Variants in NFE2L3 observed in about 807,000 individuals in gnomAD.
NFE2L3 encodes NFE2 like bZIP transcription factor 3.
A neutral mutation model predicts 23.5 loss-of-function variants in NFE2L3; 18 were observed. The ratio of observed to expected loss-of-function variants is 0.77; its 90% CI spans 0.53 to 1.13. NFE2L3 has a LOEUF of 1.13. NFE2L3 is among the 50% of genes most tolerant of loss of function. NFE2L3 has a pLI of 0.00. For synonymous variants in NFE2L3, 424 were observed against 354.5 expected, an observed-to-expected ratio of 1.20 and a Z score of -2.20; for missense variants, 1,152 against 877.2, an observed-to-expected ratio of 1.31 and a Z score of -3.96.
chr7:26,161,945 C>A (rs1174676907), intron 1 of NFE2L3, among the ~76,000 whole-genome samples: 2 of 152,044 alleles, frequency 1.3e-5, no homozygotes, highest in Admixed American at 1.3e-4. Context: ...GAGTTTGAGA[C>A]CAGCCTGGCC....
chr7:26,178,254 A>T, intron 2 of NFE2L3, 132 bp downstream of exon 2: 1 of 698,992 alleles, frequency 1.4e-6, no homozygotes, highest in Non-Finnish European at 2.4e-6. Flanking sequence ...ATATGAAAAT[A>T]CCTATGTCTT....
intron 1 of NFE2L3, among the ~76,000 whole-genome samples, chr7:26,166,146 A>G (rs987896912): frequency 4.6e-5 from 7 of 151,730 alleles, no homozygotes; most frequent in African/African-American, 1.2e-4. Context: ...CGGGGGGGAA[A>G]GAATTCACCC....
Position 26,185,625 on chromosome 7 carries a change from CATG to C in NFE2L3, c.1930_1932del (p.Asp644del), listed in dbSNP as rs776567501. ...GAAACAGAAACTGCATGACCTTTAT[CATG>C]ATATTTTTAGTAGATTAAGAGATGA... On this transcript the variant is annotated inframe_deletion, in exon 4 of 4. Transcript: ENST00000056233. 1.4e-4 allele frequency: 232 copies of C among 1,613,854 alleles called. No homozygotes were observed. Among genetic ancestry groups the C allele is most frequent in the South Asian group, 3.2e-4 (29 of 91,068 alleles).
At chr7:26,181,747 C>A (rs1040918552) in intron 2 of NFE2L3, among the ~76,000 whole-genome samples, 1 of 151,912 alleles carries the variant, frequency 6.6e-6, no homozygotes, top group Non-Finnish European at 1.5e-5. Context: ...TTCATAGGAA[C>A]AGAATCTATA....
At chr7:26,153,272 A>T (rs1008972152) in intron 1 of NFE2L3, among the ~76,000 whole-genome samples, 2 of 152,194 alleles carry the variant, frequency 1.3e-5, no homozygotes, top group Non-Finnish European at 2.9e-5. Context: ...GTGTTTAAGG[A>T]AGAAGTGGAC....
Position 26,152,711 on chromosome 7 carries a change from G to T in NFE2L3, c.213G>T (p.Ala71=). 2 of 1,476,556 alleles carry T rather than the reference G, an allele frequency of 1.4e-6. No homozygotes were observed. The highest frequency in any genetic ancestry group is 1.8e-6 in the Non-Finnish European group (2 of 1,120,968). 91.5% of individuals were successfully genotyped at this position (1,476,556 alleles called of 1,614,324 possible). A position where few individuals can be genotyped will look rare whatever the true frequency, so the allele number is the denominator to read the frequency against. ...CGGCCTCGGGAGGGTGGGGGCGCGC[G>T]GGCCACTTGCACCCCAAGGGCCGGG... ...PFSASGGWGR[A]GHLHPKGREL... is the part of the protein sequence containing the mutation. The change falls in exon 1 of 4, where the codon GCG becomes GCT. Residue 71 remains alanine, a synonymous_variant. Coordinates refer to ENST00000056233, the MANE Select transcript of NFE2L3 (RefSeq NM_004289.7). The surrounding 1 kb of genome is among the most constrained non-coding windows in gnomAD (Gnocchi z 4.4).
In NFE2L3 at chr7:26,152,573, G is replaced by A. The variant is rs1308936018; in HGVS notation, c.75G>A (p.Gly25=). The A allele has an allele frequency of 3.3e-6, 5 of 1,532,848 alleles. No homozygotes were observed. The highest frequency in any genetic ancestry group is 3.9e-5 in the Admixed American group (2 of 51,010). The allele number at this position is 1,532,848 out of a possible 1,614,324, so 95.0% of individuals were successfully genotyped here. ...LHLTLLLSLA[G]LRVDLDLYLL... ...TCACCCTCCTGCTGAGCTTGGCGGG[G>A]CTCCGCGTAGACCTAGATCTTTACC... is the stretch of plus-strand genomic sequence containing the variant. Residue 25 remains glycine, a synonymous_variant, in exon 1 of 4, where the codon GGG becomes GGA. Transcript: ENST00000056233. This position sits in a 1 kb window ranked among gnomAD's most constrained non-coding sequence, Gnocchi z 4.4.
chr7:26,161,335 C>CTTTT (rs914055111), intron 1 of NFE2L3, among the ~76,000 whole-genome samples: 15 of 69,564 alleles, frequency 2.2e-4, no homozygotes, highest in East Asian at 4.2e-4. Context: ...GCTTCTCTCT[C>CTTTT]TTTTTTTTTT....
chr7:26,184,690 C>G lies in NFE2L3; in HGVS notation c.992C>G (p.Pro331Arg). 1.2e-6 allele frequency: 2 copies of G among 1,613,852 alleles called. No homozygotes were observed. Among genetic ancestry groups the G allele is most frequent in the Non-Finnish European group, 1.7e-6 (2 of 1,179,828 alleles). Reference protein sequence around the residue: ...LCPNNTFRRDPTARTSQSQEP... With the variant: ...LCPNNTFRRDRTARTSQSQEP... ...CCCAACAATACATTTAGAAGAGATCCAACAGCAAGGACTTCACAGTCACAA... is the reference window on the plus strand; with the variant it reads ...CCCAACAATACATTTAGAAGAGATCGAACAGCAAGGACTTCACAGTCACAA... The change falls in exon 4 of 4, where the codon CCA becomes CGA. Residue 331 changes from proline to arginine, a missense_variant. Transcript: ENST00000056233.
intron 1 of NFE2L3, among the ~76,000 whole-genome samples, chr7:26,168,386 C>T (rs1404038766): frequency 2.7e-5 from 2 of 74,840 alleles, no homozygotes; most frequent in Non-Finnish European, 5.3e-5. Context: ...ATCCACCTGC[C>T]TCGCCTCCCA....
chr7:26,177,271 G>T (rs1295028537), intron 1 of NFE2L3, among the ~76,000 whole-genome samples: 2 of 152,202 alleles, frequency 1.3e-5, no homozygotes. Context: ...AGGTTGTAGC[G>T]AGCCGAGATC....
chr7:26,185,473 C>T lies in NFE2L3; in HGVS notation c.1775C>T (p.Ala592Val), dbSNP rs374797223. The T allele has an allele frequency of 1.2e-5, 19 of 1,613,816 alleles. No homozygotes were observed. The highest frequency in any genetic ancestry group is 3.3e-5 in the South Asian group (3 of 91,078). The change falls in exon 4 of 4, where the codon GCG becomes GTG. Residue 592 changes from alanine to valine, a missense_variant. By Grantham distance (64) the Ala-to-Val change is moderately conservative. Transcript: ENST00000056233. ...IRRRGKNKVA[A>V]QNCRKRKLDI... ...CGAAGAGGGAAAAATAAAGTTGCTG[C>T]GCAGAACTGTCGTAAACGCAAATTG...
rs1295604072 is a variant in NFE2L3, at chr7:26,182,619, CTG to C, written c.751-1080_751-1079del. Among the ~76,000 whole-genome samples the C allele has an allele frequency of 3.4e-5, 5 of 147,848 alleles. No individual in the cohort carries two copies. In the East Asian group the frequency reaches 7.7e-4, roughly 23 times the overall value. On this transcript the variant is annotated intron_variant, in intron 2 of 3. Coordinates refer to ENST00000056233, the MANE Select transcript of NFE2L3 (RefSeq NM_004289.7). Reference sequence around the variant, plus strand: ...CTCCAGCCTGGGCGACAGGACAAGACTGTCTCAAAATAATTCCATGTAACAAA... The same window carrying C: ...CTCCAGCCTGGGCGACAGGACAAGACTCTCAAAATAATTCCATGTAACAAA...
rs1432427317 is a variant in NFE2L3 at position 26,176,958 on chromosome 7, ACGGGGTGG to A, written c.571-983_571-976del. ...GGCAGAGATGCTCCTCACTTCCTAG[ACGGGGTGG>A]CAGCCGGGCAGAGGCGCTCCTCACA... On this transcript the variant is annotated intron_variant, in intron 1 of 3. Transcript: ENST00000056233. 4.2e-4 allele frequency among the ~76,000 whole-genome samples: 28 copies of A among 66,476 alleles called. 8 individuals are homozygous for A. The highest frequency in any genetic ancestry group is 6.6e-4 in the Non-Finnish European group (22 of 33,528). 43.6% of individuals were successfully genotyped at this position (66,476 alleles called of 152,430 possible).
In NFE2L3 at chr7:26,183,695, C is replaced by T. The variant is rs745598119; in HGVS notation, c.751-6C>T. ...TGAAAGATGCACTTTTTGTGTTTCT[C>T]TACAGAGACATCTGAATGGGACAGA... is the stretch of plus-strand genomic sequence containing the variant. On this transcript the variant is annotated splice_region_variant and splice_polypyrimidine_tract_variant and intron_variant, in intron 2 of 3. Coordinates refer to ENST00000056233, the MANE Select transcript of NFE2L3 (RefSeq NM_004289.7). The T allele has an allele frequency of 2.5e-6, 4 of 1,595,552 alleles. No homozygotes were observed. Among genetic ancestry groups the T allele is most frequent in the Non-Finnish European group, 3.4e-6 (4 of 1,163,248 alleles).
chr7:26,169,847 C>T (rs1437080315), intron 1 of NFE2L3, among the ~76,000 whole-genome samples: 3 of 152,094 alleles, frequency 2.0e-5, no homozygotes, highest in South Asian at 2.1e-4. Flanking sequence ...CCTGTAATCC[C>T]GGCCCTTTGG....
rs1278569033 is a variant in NFE2L3, at chr7:26,185,358, A to G, written c.1660A>G (p.Ile554Val). ...GCATATCCCTTTTTCTGTAGATGAA[A>G]TTGTCGGCATGCCTGTTGATTCTTT... is the stretch of plus-strand genomic sequence containing the variant. ...ALHIPFSVDEIVGMPVDSFNS... is the reference protein window; with the variant it reads ...ALHIPFSVDEVVGMPVDSFNS... Residue 554 changes from isoleucine (I) to valine (V), a missense_variant, in exon 4 of 4, where the codon ATT becomes GTT. Coordinates refer to ENST00000056233, the MANE Select transcript of NFE2L3 (RefSeq NM_004289.7). 2.5e-6 allele frequency: 4 copies of G among 1,614,154 alleles called. No individual in the cohort carries two copies. Among genetic ancestry groups the G allele is most frequent in the Non-Finnish European group, 3.4e-6 (4 of 1,179,992 alleles).
intron 1 of NFE2L3, among the ~76,000 whole-genome samples, chr7:26,176,878 C>G (rs1376961317): frequency 7.3e-6 from 1 of 136,638 alleles, no homozygotes; most frequent in Non-Finnish European, 1.6e-5. Flanking sequence ...TCCTCACCTC[C>G]CAGACGGGGC....
At chr7:26,174,287 AC>A (rs1339106468) in intron 1 of NFE2L3, 1 of 152,264 alleles carries the variant, frequency 6.6e-6, no homozygotes, top group East Asian at 1.9e-4. Context: ...GAGAAAATAC[AC>A]TGAGTACAGA....
Sources: gnomAD v4.1 joint callset for allele counts (sites outside exome capture counted in the v4.1 genomes callset) on GRCh38, gnomAD v4.1.1 for gene constraint, Gnocchi (gnomAD v3.1) non-coding constraint, MANE v1.5 for transcripts, NCBI Gene and HGNC (gene_info 2026-07-23, HGNC 2026-07-21) for gene names.